The following RSF1 variants were observed in gnomAD, a reference collection of about 807,000 sequenced individuals.
RSF1 encodes the protein remodeling and spacing factor 1.
RSF1 carries 13 observed loss-of-function variants against 145.2 expected under a neutral mutation model. The observed-to-expected ratio is 0.09, with a 90% CI of 0.06 to 0.14. The LOEUF (loss-of-function observed/expected upper bound fraction) is 0.14, where lower values mean the gene tolerates loss of function less well. Among genes scored for constraint, RSF1 ranks in the 10% least tolerant of loss-of-function variants. The pLI is 1.00. For synonymous variants in RSF1, 577 were observed against 592.6 expected, an observed-to-expected ratio of 0.97 and a Z score of 0.38; for missense variants, 1,517 against 1,718.2, an observed-to-expected ratio of 0.88 and a Z score of 2.07.
chr11:77,682,764 G>A (rs1044492547), intron 11 of RSF1, among the ~76,000 whole-genome samples: 4 of 152,202 alleles, frequency 2.6e-5, no homozygotes, highest in African/African-American at 9.7e-5. Context: ...CATTACAATT[G>A]TAAGTGCTTT....
rs1377669463 is a variant in RSF1 at position 77,667,287 on chromosome 11, T to C, written c.3956A>G (p.Asn1319Ser). Reference protein sequence around the residue: ...ESCDNAHGDANQPARDSQPRV... With the variant: ...ESCDNAHGDASQPARDSQPRV... ...AGGCTGGCTGTCACGGGCAGGCTGA[T>C]TTGCATCTCCATGAGCATTGTCACA... Residue 1319 changes from asparagine (N) to serine (S), a missense_variant, in exon 16 of 16, where the codon AAT becomes AGT. By Grantham distance (46) the Asn-to-Ser change is conservative (BLOSUM62 1). This residue lies in a region of RSF1 where 240 missense variants were observed against 231.8 expected (regional missense o/e 1.04). Coordinates refer to ENST00000308488, the MANE Select transcript of RSF1 (RefSeq NM_016578.4). The C allele has an allele frequency of 3.1e-6, 5 of 1,614,182 alleles. No homozygotes were observed. The highest frequency in any genetic ancestry group is 1.3e-5 in the African/African-American group (1 of 75,050).
intron 7 of RSF1, among the ~76,000 whole-genome samples, chr11:77,694,793 T>A (rs1161687876): frequency 6.6e-6 from 1 of 152,206 alleles, no homozygotes; most frequent in African/African-American, 2.4e-5. Context: ...TTTGTTAGTA[T>A]CCCCAGTACG....
intron 1 of RSF1, among the ~76,000 whole-genome samples, chr11:77,808,562 C>T (rs1948701408): frequency 1.5e-5 from 1 of 65,442 alleles, no homozygotes; most frequent in East Asian, 5.9e-4. Flanking sequence ...GAGACGGAGT[C>T]TCGCTCTGTC....
chr11:77,858,051 C>T, the RSF1 span, among the ~76,000 whole-genome samples: 1 of 152,068 alleles, frequency 6.6e-6, no homozygotes, highest in Non-Finnish European at 1.5e-5. Flanking sequence ...CTGTCCCTCA[C>T]AGGGTGACCC....
the RSF1 span, chr11:77,850,604 T>C: frequency 2.0e-5 from 3 of 152,298 alleles, no homozygotes; most frequent in African/African-American, 4.8e-5. Flanking sequence ...CAAAGAAAAC[T>C]AAAGGAACTA....
rs1405884488 is a variant in RSF1 at position 77,662,731 on chromosome 11, T to C, written c.*4186A>G. The stretch of plus-strand genomic sequence containing the variant: ...CACACACTTTGGGAAAGGTAGATGA[T>C]ATAGGAATGGATTTTAATCTGAGAA... On this transcript the variant is annotated 3_prime_UTR_variant, in exon 16 of 16. Coordinates refer to ENST00000308488, the MANE Select transcript of RSF1 (RefSeq NM_016578.4). 2 of 152,146 alleles carry C rather than the reference T, an allele frequency of 1.3e-5. No individual in the cohort carries two copies. The highest frequency in any genetic ancestry group is 2.9e-5 in the Non-Finnish European group (2 of 67,994). The allele number at this position is 152,146 out of a possible 1,614,324, so 9.4% of individuals were successfully genotyped here.
the RSF1 span, among the ~76,000 whole-genome samples, chr11:77,871,465 G>C: frequency 2.6e-5 from 4 of 152,148 alleles, no homozygotes; most frequent in Non-Finnish European, 5.9e-5. Flanking sequence ...TAAAAAACTA[G>C]ACAACTTCAG....
At chr11:77,686,156 A>C (rs1959997697) in intron 9 of RSF1, among the ~76,000 whole-genome samples, 1 of 152,116 alleles carries the variant, frequency 6.6e-6, no homozygotes, top group Admixed American at 6.6e-5. Flanking sequence ...GTGGTGGCTC[A>C]TGCCTGTAAT....
intron 1 of RSF1, chr11:77,813,239 G>C (rs539968097): frequency 1.8e-6 from 1 of 564,912 alleles, no homozygotes; most frequent in South Asian, 2.4e-5. Context: ...CATGAAAGTA[G>C]TCTAATGATG....
intron 15 of RSF1, among the ~76,000 whole-genome samples, chr11:77,668,537 A>G (rs1426997275): frequency 2.0e-5 from 3 of 152,154 alleles, no homozygotes; most frequent in Non-Finnish European, 4.4e-5. Flanking sequence ...TTCTTTGTCT[A>G]TATAGTTGGG....
intron 2 of RSF1, among the ~76,000 whole-genome samples, chr11:77,750,736 A>G (rs1472584643): frequency 1.3e-5 from 2 of 152,256 alleles, no homozygotes; most frequent in Non-Finnish European, 2.9e-5. Context: ...TTGGTTTTAC[A>G]TGCAATTTCT....
At position 77,666,759 on chromosome 11, in the gene RSF1, G is replaced by T; in HGVS notation, c.*158C>A. 1 of 504,390 alleles carries T rather than the reference G, an allele frequency of 2.0e-6. No homozygotes were observed. Among genetic ancestry groups the T allele is most frequent in the Admixed American group, 3.6e-5 (1 of 27,964 alleles). The allele number at this position is 504,390 out of a possible 1,614,324, so 31.2% of individuals were successfully genotyped here. ...TATTTATCTTCAAAGTTCAGAACTG[G>T]TCACTTCACAGAAAGACTTCAGGAT... On this transcript the variant is annotated 3_prime_UTR_variant, in exon 16 of 16. Transcript: ENST00000308488.
At chr11:77,731,939 A>G (rs1465529827) in intron 4 of RSF1, among the ~76,000 whole-genome samples, 1 of 152,230 alleles carries the variant, frequency 6.6e-6, no homozygotes, top group East Asian at 1.9e-4. Context: ...AGCCACACAG[A>G]GTCCCTACTG....
chr11:77,777,913 G>T (rs1301865793), intron 1 of RSF1, among the ~76,000 whole-genome samples: 3 of 150,404 alleles, frequency 2.0e-5, no homozygotes, highest in Non-Finnish European at 4.4e-5. Flanking sequence ...TGTTGGCAAA[G>T]AAGCATCATT....
chr11:77,666,707 A>T lies in RSF1; in HGVS notation c.*210T>A, dbSNP rs1217804263. Reference sequence around the variant, plus strand: ...TACCAAGGACCATGAACCTGGAAAAAGAAAATCAAAAGGAATTTACAGCAA... The same window carrying T: ...TACCAAGGACCATGAACCTGGAAAATGAAAATCAAAAGGAATTTACAGCAA... On this transcript the variant is annotated 3_prime_UTR_variant, in exon 16 of 16. Transcript: ENST00000308488. 1 of 391,722 alleles carries T rather than the reference A, an allele frequency of 2.6e-6. No individual in the cohort carries two copies. The highest frequency in any genetic ancestry group is 2.1e-5 in the African/African-American group (1 of 48,506). The allele number at this position is 391,722 out of a possible 1,614,324, so 24.3% of individuals were successfully genotyped here.
chr11:77,783,862 C>T (rs1047248469), intron 1 of RSF1, among the ~76,000 whole-genome samples: 6 of 151,984 alleles, frequency 3.9e-5, no homozygotes, highest in South Asian at 2.1e-4. Context: ...AGTTACTTAT[C>T]GCCTAGTTTG....
the RSF1 span, among the ~76,000 whole-genome samples, chr11:77,834,549 G>A: frequency 1.3e-5 from 2 of 150,604 alleles, no homozygotes; most frequent in East Asian, 2.0e-4. Context: ...TGAGTAGCTG[G>A]AATTACAAGT....
the RSF1 span, among the ~76,000 whole-genome samples, chr11:77,848,794 A>G: frequency 6.6e-6 from 1 of 151,344 alleles, no homozygotes; most frequent in Non-Finnish European, 1.5e-5. Context: ...TCTACTACAT[A>G]TTGTTATCCT....
At chr11:77,866,953 G>A in the RSF1 span, among the ~76,000 whole-genome samples, 8 of 151,880 alleles carry the variant, frequency 5.3e-5, no homozygotes, top group African/African-American at 1.5e-4. Flanking sequence ...TGATTCTCCT[G>A]CCTCAGCCTC....
Sources: gnomAD v4.1 joint callset for allele counts (sites outside exome capture counted in the v4.1 genomes callset) on GRCh38, gnomAD v4.1.1 for gene constraint, gnomAD v4.1.1 regional missense constraint, MANE v1.5 for transcripts, NCBI Gene and HGNC (gene_info 2026-07-23, HGNC 2026-07-21) for gene names.